Variants in DEPDC4 observed in about 807,000 individuals in gnomAD.
DEPDC4 encodes the protein DEP domain-containing protein 4.
A neutral mutation model predicts 52.0 loss-of-function variants in DEPDC4; 52 were observed. That is an observed-to-expected ratio of 1.00 (90% CI 0.80 to 1.26). The LOEUF (loss-of-function observed/expected upper bound fraction) is 1.26. DEPDC4 is among the 50% of genes most tolerant of loss of function. The pLI is 0.00. For synonymous variants in DEPDC4, 201 were observed against 196.8 expected, an observed-to-expected ratio of 1.02 and a Z score of -0.18; for missense variants, 530 against 546.9, an observed-to-expected ratio of 0.97 and a Z score of 0.31.
chr12:100,254,916 G>A (rs947942848), intron 4 of DEPDC4, among the ~76,000 whole-genome samples: 5 of 152,052 alleles, frequency 3.3e-5, no homozygotes, highest in African/African-American at 9.7e-5. Flanking sequence ...CAGAGAGACA[G>A]GGTCTCACTA....
chr12:100,266,803 C>G, intron 1 of DEPDC4, 117 bp downstream of exon 1: 4 of 1,343,434 alleles, frequency 3.0e-6, no homozygotes, highest in Non-Finnish European at 3.0e-6. Context: ...AGGAAGGGGG[C>G]GGGGCTAGGA....
intron 9 of DEPDC4, among the ~76,000 whole-genome samples, chr12:100,234,392 A>T (rs970481743): frequency 1.3e-5 from 2 of 152,178 alleles, no homozygotes; most frequent in African/African-American, 4.8e-5. Context: ...TTCTGGCTGA[A>T]CTGACCTAAC....
intron 1 of DEPDC4, among the ~76,000 whole-genome samples, chr12:100,264,896 T>A (rs559463242): frequency 6.6e-6 from 1 of 152,030 alleles, no homozygotes; most frequent in Non-Finnish European, 1.5e-5. Flanking sequence ...TGAAAAAAAA[T>A]TGCCTTATCA....
upstream of DEPDC4, among the ~76,000 whole-genome samples, chr12:100,272,072 A>T (rs1483087451): frequency 1.3e-5 from 2 of 152,150 alleles, no homozygotes; most frequent in African/African-American, 4.8e-5. Context: ...AAGCCAGGTG[A>T]TGGCTGAGCT....
At chr12:100,244,003 C>T (rs571920402) in intron 8 of DEPDC4, among the ~76,000 whole-genome samples, 2 of 150,246 alleles carry the variant, frequency 1.3e-5, no homozygotes, top group African/African-American at 4.9e-5. Flanking sequence ...CCTCTTTACT[C>T]ACCCCTTGAC....
chr12:100,280,260 T>C, the DEPDC4 span, among the ~76,000 whole-genome samples: 2 of 152,252 alleles, frequency 1.3e-5, no homozygotes, highest in Non-Finnish European at 2.9e-5. Context: ...AGTAATATTT[T>C]TAAATGTATG....
intron 1 of DEPDC4, among the ~76,000 whole-genome samples, chr12:100,265,023 G>A (rs942438836): frequency 6.6e-6 from 1 of 152,194 alleles, no homozygotes; most frequent in African/African-American, 2.4e-5. Context: ...TACTGGCCAG[G>A]TTCAGTGGCT....
intron 9 of DEPDC4, among the ~76,000 whole-genome samples, chr12:100,233,878 CAAAA>C (rs546802593): frequency 6.6e-6 from 1 of 151,552 alleles, no homozygotes; most frequent in African/African-American, 2.4e-5. Context: ...CGTTTTGTCT[CAAAA>C]AAAAATTTTT....
rs1175328900 is a variant in DEPDC4, at chr12:100,240,856, T to C, written c.*1036A>G. 6.6e-6 allele frequency among the ~76,000 whole-genome samples: 1 copy of C among 152,074 alleles called. No individual in the cohort carries two copies. Among genetic ancestry groups the C allele is most frequent in the Non-Finnish European group, 1.5e-5 (1 of 67,992 alleles). ...TCACCTGAGGTCAGGAGTTCAAGAC[T>C]AGCCTGGCCAACATGGCGAAACACT... On this transcript the variant is annotated 3_prime_UTR_variant, in exon 10 of 10. Transcript: ENST00000550587.
Position 100,252,269 on chromosome 12 carries a change from AAG to A in DEPDC4, c.1279_1280del (p.Leu427CysfsTer28). On this transcript the variant is annotated frameshift_variant, in exon 7 of 10. Coordinates refer to ENST00000550587, the MANE Select transcript of DEPDC4 (RefSeq NM_001364818.2). LOFTEE classifies it high-confidence loss of function. Reference sequence around the variant, plus strand: ...ATTTGGCTTGCAAAACTGATTTGGCAAGAGTTTTCAGGACCACTGTTTTATTA... The same window carrying A: ...ATTTGGCTTGCAAAACTGATTTGGCAAGTTTTCAGGACCACTGTTTTATTA... ...YDNKTVVLKTLAKSVLQAKSL... is the reference protein window; with the variant it reads ...YDNKTVVLKTXAKSVLQAKSL... 7.1e-7 allele frequency: 1 copy of A among 1,415,966 alleles called. No homozygotes were observed. The highest frequency in any genetic ancestry group is 9.2e-7 in the Non-Finnish European group (1 of 1,084,126). 87.7% of individuals were successfully genotyped at this position (1,415,966 alleles called of 1,614,324 possible).
At chr12:100,273,022 T>C in the DEPDC4 span, among the ~76,000 whole-genome samples, 2 of 152,184 alleles carry the variant, frequency 1.3e-5, no homozygotes, top group African/African-American at 4.8e-5. Context: ...TATCCCTGAA[T>C]TGCATATTGA....
the DEPDC4 span, among the ~76,000 whole-genome samples, chr12:100,275,336 G>C: frequency 6.6e-6 from 1 of 151,840 alleles, no homozygotes; most frequent in Non-Finnish European, 1.5e-5. Flanking sequence ...TGAGTAGCTG[G>C]GACTGCAGAC....
At chr12:100,265,280 T>TG (rs2096267550) in intron 1 of DEPDC4, among the ~76,000 whole-genome samples, 1 of 151,020 alleles carries the variant, frequency 6.6e-6, no homozygotes, top group African/African-American at 2.4e-5. Context: ...GGCAACAGAG[T>TG]GAGACCCTGT....
chr12:100,255,310 G>A (rs1190329865), intron 4 of DEPDC4, among the ~76,000 whole-genome samples: 1 of 152,168 alleles, frequency 6.6e-6, no homozygotes, highest in Non-Finnish European at 1.5e-5. Flanking sequence ...GTCTTTCTTG[G>A]CCTACTGCGA....
At chr12:100,264,031 C>T (rs1000964694) in intron 1 of DEPDC4, 138 bp from the exon 2 acceptor site, 6 of 760,010 alleles carry the variant, frequency 7.9e-6, no homozygotes, top group Non-Finnish European at 1.0e-5. Flanking sequence ...TCACATCTTA[C>T]ATAAACTATA....
chr12:100,237,831 T>TA (rs1009884053), downstream of DEPDC4: 2 of 152,504 alleles, frequency 1.3e-5, no homozygotes, highest in African/African-American at 4.8e-5. Flanking sequence ...TAGAGATTTT[T>TA]AAAAAACTGA....
intron 9 of DEPDC4, among the ~76,000 whole-genome samples, chr12:100,242,230 G>A (rs2096162297): frequency 6.6e-6 from 1 of 151,614 alleles, no homozygotes; most frequent in African/African-American, 2.4e-5. Flanking sequence ...GTCAACCTAT[G>A]CTGATTTACA....
the DEPDC4 span, among the ~76,000 whole-genome samples, chr12:100,276,407 A>G: frequency 6.6e-6 from 1 of 152,102 alleles, no homozygotes; most frequent in African/African-American, 2.4e-5. Context: ...ATCATGGCTC[A>G]CTGCAGCCTT....
intron 8 of DEPDC4, among the ~76,000 whole-genome samples, chr12:100,244,128 T>C (rs2096174162): frequency 8.6e-6 from 1 of 116,778 alleles, no homozygotes; most frequent in African/African-American, 3.9e-5. Flanking sequence ...TATATATATA[T>C]ATATATACAC....
Sources: allele counts gnomAD v4.1 joint callset (sites outside exome capture counted in the v4.1 genomes callset), GRCh38; gene constraint gnomAD v4.1.1; transcripts MANE v1.5; gene names NCBI Gene and HGNC (gene_info 2026-07-23, HGNC 2026-07-21).